The following BEAN1 variants were observed in gnomAD, a reference collection of about 807,000 sequenced individuals.
BEAN1 encodes the protein protein BEAN1.
In BEAN1, 17 loss-of-function variants were observed where a neutral mutation model predicts 17.7. The observed-to-expected ratio is 0.96, with a 90% CI of 0.66 to 1.44. The LOEUF (loss-of-function observed/expected upper bound fraction) is 1.44, where lower values mean the gene tolerates loss of function less well. Ranked by LOEUF, BEAN1 falls within the 40% of genes most tolerant of loss-of-function variation. The probability of loss-of-function intolerance (pLI) is 0.00; values close to 1 mark genes in which losing one functional copy is unlikely to be tolerated. For missense variants in BEAN1, 359 were observed against 374.1 expected, an observed-to-expected ratio of 0.96 and a Z score of 0.33; for synonymous variants, 142 against 151.8, an observed-to-expected ratio of 0.94 and a Z score of 0.47.
Position 66,434,763 on chromosome 16 carries a change from C to T in BEAN1, c.-82-2832C>T, listed in dbSNP as rs996928490. Among the ~76,000 whole-genome samples, 2 of 152,124 alleles carry T rather than the reference C, an allele frequency of 1.3e-5. No homozygotes were observed. The highest frequency in any genetic ancestry group is 1.5e-5 in the Non-Finnish European group (1 of 68,020). On this transcript the variant is annotated intron_variant, in intron 1 of 4. Transcript: ENST00000536005. The surrounding 1 kb of genome is among the most constrained non-coding windows in gnomAD (Gnocchi z 4.3). ...TCTCAGCTTTTTGCATAGAGATCCT[C>T]CTCTTCAGCAAGCCAAGCACCTTTG...
intron 2 of BEAN1, among the ~76,000 whole-genome samples, chr16:66,443,776 G>A (rs1596990070): frequency 6.6e-6 from 1 of 152,112 alleles, no homozygotes; most frequent in Non-Finnish European, 1.5e-5. Context: ...CCCAGTTCAA[G>A]TGATTCTCCT....
At chr16:66,432,013 G>A (rs752599290) in intron 1 of BEAN1, among the ~76,000 whole-genome samples, 5 of 151,986 alleles carry the variant, frequency 3.3e-5, no homozygotes, top group African/African-American at 9.6e-5. Flanking sequence ...CATTGTTATC[G>A]CACCACTGCA....
At chr16:66,480,271 G>A (rs909084109) in intron 4 of BEAN1, among the ~76,000 whole-genome samples, 4 of 152,148 alleles carry the variant, frequency 2.6e-5, no homozygotes, top group African/African-American at 9.7e-5. Flanking sequence ...CACCCAGTGC[G>A]CTGCGGGGAG....
intron 2 of BEAN1, among the ~76,000 whole-genome samples, chr16:66,457,279 G>C (rs897559406): frequency 1.3e-5 from 2 of 152,188 alleles, no homozygotes; most frequent in African/African-American, 4.8e-5. Flanking sequence ...TTGAGTGGAT[G>C]TTGAGTAGAT....
exon 5 of BEAN1, chr16:66,493,332 C>CATTTAT (rs1567515562): frequency 2.9e-6 from 2 of 688,796 alleles, no homozygotes; most frequent in Non-Finnish European, 2.7e-6. Flanking sequence ...GGGTCCGAGA[C>CATTTAT]GGCCCTGGCA....
At chr16:66,495,009 G>C (rs76107343), downstream of BEAN1, among the ~76,000 whole-genome samples, 5,689 of 152,258 alleles carry the variant, frequency 0.037, 143 homozygotes, top group Non-Finnish European at 0.058. Flanking sequence ...AATAGGTGAA[G>C]GTCCCTTCAG....
chr16:66,484,421 G>C (rs898014782), downstream of BEAN1: 4 of 361,508 alleles, frequency 1.1e-5, no homozygotes, highest in Non-Finnish European at 2.2e-5. The surrounding 1 kb of genome is among the most constrained non-coding windows in gnomAD (Gnocchi z 4.2). Flanking sequence ...CTCCATCCAC[G>C]ACATGCCCTA....
intron 2 of BEAN1, among the ~76,000 whole-genome samples, chr16:66,454,083 C>T (rs1962778982): frequency 6.6e-6 from 1 of 152,188 alleles, no homozygotes; most frequent in African/African-American, 2.4e-5. Flanking sequence ...TATTTTGGAT[C>T]TCTAATTCCA....
At position 66,480,568 on chromosome 16, in the gene BEAN1, G is replaced by C; in HGVS notation, c.441-18G>C. 1 of 1,507,726 alleles carries C rather than the reference G, an allele frequency of 6.6e-7. No homozygotes were observed. Among genetic ancestry groups the C allele is most frequent in the South Asian group, 1.3e-5 (1 of 79,020 alleles). 93.4% of individuals were successfully genotyped at this position (1,507,726 alleles called of 1,614,324 possible). On this transcript the variant is annotated intron_variant, in intron 4 of 4. Transcript: ENST00000536005. ...CTAAGGCCTAGGTGGGGCACTGAGG[G>C]AGCCTCTTCTCTCGTAGCTACGAGG...
chr16:66,432,483 G>A (rs1961843483), intron 1 of BEAN1, among the ~76,000 whole-genome samples: 1 of 152,196 alleles, frequency 6.6e-6, no homozygotes, highest in Admixed American at 6.5e-5. Context: ...TGGGATTTCT[G>A]ACTTCCTTCT....
Position 66,427,472 on chromosome 16 carries a change from C to CG in BEAN1, c.-83+47dup, listed in dbSNP as rs1192550309. ...CTGGGCGGCGCGGGGGAGGGGCGGGCGGGGGGTCCCGGCCCCATTCCCCCG... is the reference window on the plus strand; with the variant it reads ...CTGGGCGGCGCGGGGGAGGGGCGGGCGGGGGGGTCCCGGCCCCATTCCCCCG... On this transcript the variant is annotated intron_variant, in intron 1 of 4. Coordinates refer to ENST00000536005, the MANE Select transcript of BEAN1 (RefSeq NM_001178020.3). The surrounding 1 kb of genome is among the most constrained non-coding windows in gnomAD (Gnocchi z 4.7). 1 of 137,326 alleles carries CG rather than the reference C, an allele frequency of 7.3e-6. No individual in the cohort carries two copies. Among genetic ancestry groups the CG allele is most frequent in the East Asian group, 2.2e-4 (1 of 4,634 alleles). 8.5% of individuals were successfully genotyped at this position (137,326 alleles called of 1,614,324 possible).
In BEAN1 at chr16:66,437,681, C is replaced by T; in HGVS notation, c.5C>T (p.Ser2Phe). Residue 2 changes from serine to phenylalanine, a missense_variant, in exon 2 of 5, where the codon TCC (serine) becomes TTC (phenylalanine). Transcript: ENST00000536005. Reference sequence around the variant, plus strand: ...CTGTTCTGCTCCAAGGATTACATGTCCTTCAAACGTCCCTGCCCCTGTAAG... The same window carrying T: ...CTGTTCTGCTCCAAGGATTACATGTTCTTCAAACGTCCCTGCCCCTGTAAG... M[S>F]FKRPCPLARY... is the part of the protein sequence containing the mutation. The T allele has an allele frequency of 1.3e-6, 2 of 1,536,044 alleles. No individual in the cohort carries two copies. Among genetic ancestry groups the T allele is most frequent in the Non-Finnish European group, 1.7e-6 (2 of 1,146,834 alleles).
At chr16:66,440,401 G>C (rs1488968732) in intron 2 of BEAN1, among the ~76,000 whole-genome samples, 1 of 152,202 alleles carries the variant, frequency 6.6e-6, no homozygotes, top group East Asian at 1.9e-4. Flanking sequence ...AAAGAGCTGG[G>C]ATTACAGGCG....
At chr16:66,428,444 G>C (rs1181792010) in intron 1 of BEAN1, 1 of 152,324 alleles carries the variant, frequency 6.6e-6, no homozygotes, top group Non-Finnish European at 1.5e-5. Flanking sequence ...AAACATAACT[G>C]CTCTGCTGGA....
chr16:66,482,877 G>A, downstream of BEAN1: 1 of 455,754 alleles, frequency 2.2e-6, no homozygotes, highest in South Asian at 1.6e-5. Flanking sequence ...TTTTTCTTCA[G>A]ACAGGGTCTC....
chr16:66,474,202 T>C (rs1024723437), intron 3 of BEAN1, among the ~76,000 whole-genome samples: 3 of 152,092 alleles, frequency 2.0e-5, no homozygotes, highest in Non-Finnish European at 4.4e-5. Flanking sequence ...CCTCAAACAG[T>C]TATTGTGAGG....
rs1435977363 is a variant in BEAN1 at position 66,437,567 on chromosome 16, C to G, written c.-82-28C>G. ...GGCTGTGGGTGCGCCATGGGCCCCC[C>G]AACACCTGCCTGTTTGTGTCTCCGC... On this transcript the variant is annotated intron_variant, in intron 1 of 4. Coordinates refer to ENST00000536005, the MANE Select transcript of BEAN1 (RefSeq NM_001178020.3). 17 of 1,344,668 alleles carry G rather than the reference C, an allele frequency of 1.3e-5. No individual in the cohort carries two copies. In the East Asian group the frequency reaches 3.8e-4, roughly 30 times the overall value. The allele number at this position is 1,344,668 out of a possible 1,614,324, so 83.3% of individuals were successfully genotyped here. A position where few individuals can be genotyped will look rare whatever the true frequency, so the allele number is the denominator to read the frequency against.
intron 2 of BEAN1, among the ~76,000 whole-genome samples, chr16:66,448,824 A>G (rs183167852): frequency 6.6e-6 from 1 of 152,306 alleles, no homozygotes; most frequent in Admixed American, 6.5e-5. Context: ...CTCAAAAAAA[A>G]GAAAAGAAAA....
intron 1 of BEAN1, among the ~76,000 whole-genome samples, chr16:66,431,250 C>T (rs1961787173): frequency 6.6e-6 from 1 of 152,196 alleles, no homozygotes; most frequent in Admixed American, 6.5e-5. Context: ...CTCTTGAGCC[C>T]AGGAGTTCAA....
Sources: gnomAD v4.1 joint callset for allele counts (sites outside exome capture counted in the v4.1 genomes callset) on GRCh38, gnomAD v4.1.1 for gene constraint, Gnocchi (gnomAD v3.1) non-coding constraint, MANE v1.5 for transcripts, NCBI Gene and HGNC (gene_info 2026-07-23, HGNC 2026-07-21) for gene names.